Variants in CRIP1 observed in about 807,000 individuals in gnomAD.
CRIP1 encodes cysteine-rich protein 1.
In CRIP1, 11 loss-of-function variants were observed where a neutral mutation model predicts 12.9. The observed-to-expected ratio is 0.86, with a 90% CI of 0.54 to 1.42. CRIP1 has a LOEUF of 1.42. Ranked by LOEUF, CRIP1 falls within the 40% of genes most tolerant of loss-of-function variation. The pLI is 0.00. For missense variants in CRIP1, 122 were observed against 101.3 expected, an observed-to-expected ratio of 1.20 and a Z score of -0.88; for synonymous variants, 41 against 37.2, an observed-to-expected ratio of 1.10 and a Z score of -0.37.
In CRIP1 at chr14:105,488,746, C is replaced by T; in HGVS notation, c.*89C>T. 1.7e-6 allele frequency: 1 copy of T among 588,288 alleles called. No individual in the cohort carries two copies. Among genetic ancestry groups the T allele is most frequent in the Non-Finnish European group, 3.0e-6 (1 of 329,664 alleles). 36.4% of individuals were successfully genotyped at this position (588,288 alleles called of 1,614,324 possible). ...CTTGTCCCCAGATGCCCAGGGCTCC[C>T]TTGTTGCCCCTAATGCTCTCAGTAA... On this transcript the variant is annotated 3_prime_UTR_variant, in exon 6 of 6. Coordinates refer to ENST00000392531, the MANE Select transcript of CRIP1 (RefSeq NM_001311.5).
At chr14:105,487,403 C>G in intron 2 of CRIP1, 104 bp downstream of exon 2, 2 of 1,078,560 alleles carry the variant, frequency 1.9e-6, no homozygotes, top group Non-Finnish European at 2.6e-6. Context: ...GGGGCGGCGC[C>G]CCAGCCTGAA....
rs1214281731 is a variant in CRIP1, at chr14:105,487,229, C to A, written c.-31C>A. 34 of 1,542,020 alleles carry A rather than the reference C, an allele frequency of 2.2e-5. No homozygotes were observed. Among genetic ancestry groups the A allele is most frequent in the Non-Finnish European group, 2.9e-5 (33 of 1,143,952 alleles). ...CGCCTGCAGCCCGTGCCGCCCCAGCCGCTGCCGCCTGCACCGGACCCGGAG... is the reference window on the plus strand; with the variant it reads ...CGCCTGCAGCCCGTGCCGCCCCAGCAGCTGCCGCCTGCACCGGACCCGGAG... On this transcript the variant is annotated 5_prime_UTR_variant, in exon 2 of 6. Coordinates refer to ENST00000392531, the MANE Select transcript of CRIP1 (RefSeq NM_001311.5).
intron 2 of CRIP1, chr14:105,487,692 C>T (rs1463988325): frequency 1.6e-5 from 3 of 192,724 alleles, no homozygotes; most frequent in Non-Finnish European, 3.1e-5. Flanking sequence ...GGCGCGATCC[C>T]GGGCGCCCGC....
intron 2 of CRIP1, chr14:105,487,672 C>T (rs1383826880): frequency 6.1e-5 from 13 of 212,700 alleles, no homozygotes; most frequent in African/African-American, 2.5e-4. Flanking sequence ...ACGCGGAAAC[C>T]GACGCCCGGG....
intron 1 of CRIP1, 52 bp downstream of exon 1, chr14:105,487,024 G>C: frequency 7.4e-7 from 1 of 1,347,716 alleles, no homozygotes; most frequent in African/African-American, 1.5e-5. Context: ...AGTCAGGCCC[G>C]GGTCCTGCCT....
At chr14:105,487,443 C>T (rs1402829849) in intron 2 of CRIP1, 144 bp downstream of exon 2, 2 of 668,054 alleles carry the variant, frequency 3.0e-6, no homozygotes, top group Non-Finnish European at 4.9e-6. Flanking sequence ...CCGCCTGCCC[C>T]GGGATGAGGG....
At position 105,488,800 on chromosome 14, in the gene CRIP1, T is replaced by C. The variant is rs2084154924; in HGVS notation, c.*143T>C. On this transcript the variant is annotated 3_prime_UTR_variant, in exon 6 of 6. Transcript: ENST00000392531. ...TGAACACTTGGAAAACCTGTGTGTG[T>C]ACATGCGCGTGTGTGCTGGGGAGTG... 3.9e-6 allele frequency: 2 copies of C among 516,738 alleles called. No homozygotes were observed. Among genetic ancestry groups the C allele is most frequent in the Non-Finnish European group, 6.9e-6 (2 of 288,598 alleles). The allele number at this position is 516,738 out of a possible 1,614,324, so 32.0% of individuals were successfully genotyped here. A position where few individuals can be genotyped will look rare whatever the true frequency, so the allele number is the denominator to read the frequency against.
Position 105,488,838 on chromosome 14 carries a change from C to T in CRIP1, c.*181C>T. The T allele has an allele frequency of 2.7e-6, 1 of 376,876 alleles. No homozygotes were observed. Among genetic ancestry groups the T allele is most frequent in the Non-Finnish European group, 4.8e-6 (1 of 206,818 alleles). The allele number at this position is 376,876 out of a possible 1,614,324, so 23.3% of individuals were successfully genotyped here. On this transcript the variant is annotated 3_prime_UTR_variant, in exon 6 of 6. Coordinates refer to ENST00000392531, the MANE Select transcript of CRIP1 (RefSeq NM_001311.5). ...GTGCTGGGGAGTGCCAAGGGAGCTG[C>T]AGTGGGGTCCTGGCAGCAGGCTCTG...
intron 2 of CRIP1, chr14:105,487,569 C>T: frequency 2.4e-6 from 1 of 418,404 alleles, no homozygotes; most frequent in Non-Finnish European, 4.2e-6. Flanking sequence ...CGGTCTCTGC[C>T]GTTTCCTCTC....
intron 5 of CRIP1, 43 bp downstream of exon 5, chr14:105,488,559 C>T (rs1555438603): frequency 1.3e-6 from 2 of 1,555,528 alleles, no homozygotes; most frequent in East Asian, 2.3e-5. Flanking sequence ...TGGTTCCACC[C>T]TCGGGATGGG....
chr14:105,487,175 G>A, intron 1 of CRIP1, 24 bp from the exon 2 acceptor site: 1 of 1,511,314 alleles, frequency 6.6e-7, no homozygotes, highest in Non-Finnish European at 8.9e-7. Context: ...CCTGAAAGGC[G>A]CGGACCAGGC....
At chr14:105,488,074 GGGCAGAGCT>G in intron 2 of CRIP1, 83 bp from the exon 3 acceptor site, 1 of 1,386,748 alleles carries the variant, frequency 7.2e-7, no homozygotes, top group African/African-American at 1.4e-5. Flanking sequence ...ACAGGGCCTT[GGGCAGAGCT>G]GGCTGCAAGA....
At chr14:105,488,580 C>T (rs1387401461) in intron 5 of CRIP1, 64 bp downstream of exon 5, 1 of 1,513,884 alleles carries the variant, frequency 6.6e-7, no homozygotes, top group Non-Finnish European at 9.0e-7. Flanking sequence ...GATGCCCCCT[C>T]CCAGGGAGGC....
At position 105,488,661 on chromosome 14, in the gene CRIP1, A is replaced by G. The variant is rs924280000; in HGVS notation, c.*6-2A>G. On this transcript the variant is annotated splice_acceptor_variant, in intron 5 of 5. Transcript: ENST00000392531. LOFTEE classifies it low-confidence loss of function (3UTR_SPLICE). ...CGTCTGTGCCTGTCTCTCTCTGCAC[A>G]GGTGGTGGAGACCCCATCCTTGGCT... The G allele has an allele frequency of 2.3e-6, 2 of 859,098 alleles. No individual in the cohort carries two copies. Among genetic ancestry groups the G allele is most frequent in the Non-Finnish European group, 3.7e-6 (2 of 547,650 alleles). The allele number at this position is 859,098 out of a possible 1,614,324, so 53.2% of individuals were successfully genotyped here. A position where few individuals can be genotyped will look rare whatever the true frequency, so the allele number is the denominator to read the frequency against.
intron 2 of CRIP1, chr14:105,487,931 A>T: frequency 1.8e-6 from 1 of 546,968 alleles, no homozygotes; most frequent in Non-Finnish European, 3.3e-6. Context: ...GCCGCACCCG[A>T]AAGTGCCCCG....
intron 2 of CRIP1, chr14:105,487,628 T>G: frequency 1.5e-5 from 4 of 271,438 alleles, no homozygotes; most frequent in Non-Finnish European, 2.7e-5. Context: ...AACGCGGGGC[T>G]GGGGCCGCGC....
At chr14:105,488,097 G>A in intron 2 of CRIP1, 69 bp from the exon 3 acceptor site, 2 of 1,508,644 alleles carry the variant, frequency 1.3e-6, no homozygotes, top group Non-Finnish European at 1.8e-6. Flanking sequence ...TGCAAGAGGC[G>A]GGTACGCCAG....
chr14:105,487,594 TG>T, intron 2 of CRIP1: 1 of 346,508 alleles, frequency 2.9e-6, no homozygotes, highest in Non-Finnish European at 5.2e-6. Flanking sequence ...GCGCCCTGAG[TG>T]GGGGACCCGC....
Position 105,488,403 on chromosome 14 carries a change from T to TCCCCCCCCCCCCCCCCCCCCC in CRIP1, c.193+19_193+20insCCCCCCCCCCCCCCCCCCCCC. ...TGGGCCTAAAGGTATGCTCCCGTCA[T>TCCCCCCCCCCCCCCCCCCCCC]CCCCACCCCACCCCACCCCACAGCC... On this transcript the variant is annotated intron_variant, in intron 4 of 5. Coordinates refer to ENST00000392531, the MANE Select transcript of CRIP1 (RefSeq NM_001311.5). 7 of 1,580,464 alleles carry TCCCCCCCCCCCCCCCCCCCCC rather than the reference T, an allele frequency of 4.4e-6. No individual in the cohort carries two copies. Among genetic ancestry groups the TCCCCCCCCCCCCCCCCCCCCC allele is most frequent in the East Asian group, 2.2e-5 (1 of 44,468 alleles).
Sources: gnomAD v4.1 joint callset for allele counts on GRCh38, gnomAD v4.1.1 for gene constraint, MANE v1.5 for transcripts, NCBI Gene and HGNC (gene_info 2026-07-23, HGNC 2026-07-21) for gene names.